Variants in SEL1L2 observed in about 807,000 individuals in gnomAD.
SEL1L2 encodes the protein SEL1L2 adaptor subunit of SYVN1 ubiquitin ligase, also known as protein sel-1 homolog 2.
Under a neutral mutation model 98.8 loss-of-function variants are expected in SEL1L2, and 89 were observed. The observed-to-expected ratio is 0.90, with a 90% CI of 0.76 to 1.07. The LOEUF (loss-of-function observed/expected upper bound fraction) is 1.07, where lower values mean the gene tolerates loss of function less well. SEL1L2 is among the 50% of genes least tolerant of loss of function. The pLI is 0.00. For synonymous variants in SEL1L2, 262 were observed against 278.5 expected, an observed-to-expected ratio of 0.94 and a Z score of 0.59; for missense variants, 788 against 812.0, an observed-to-expected ratio of 0.97 and a Z score of 0.36.
At chr20:13,854,349 G>A (rs1303093378) in intron 18 of SEL1L2, among the ~76,000 whole-genome samples, 1 of 152,108 alleles carries the variant, frequency 6.6e-6, no homozygotes, top group Admixed American at 6.6e-5. Context: ...TCTTTAAACA[G>A]GCCTGATTTC....
At chr20:13,867,975 T>G (rs2046004258) in intron 14 of SEL1L2, among the ~76,000 whole-genome samples, 1 of 152,058 alleles carries the variant, frequency 6.6e-6, no homozygotes, top group African/African-American at 2.4e-5. Context: ...TGGCTCCTCC[T>G]CTGACATGAA....
chr20:13,907,562 C>T (rs200089851), intron 5 of SEL1L2, among the ~76,000 whole-genome samples: 1 of 152,032 alleles, frequency 6.6e-6, no homozygotes. Context: ...GAGCAAGATC[C>T]TATCTCAGAA....
chr20:13,884,839 G>A (rs1421418573), intron 10 of SEL1L2, among the ~76,000 whole-genome samples: 1 of 152,102 alleles, frequency 6.6e-6, no homozygotes, highest in African/African-American at 2.4e-5. Flanking sequence ...ACTGGGATAA[G>A]GTAAGGTTAA....
At chr20:13,970,713 T>A (rs899510449) in intron 1 of SEL1L2, among the ~76,000 whole-genome samples, 3 of 151,982 alleles carry the variant, frequency 2.0e-5, no homozygotes, top group African/African-American at 7.3e-5. Flanking sequence ...GTGCCTGTAA[T>A]CCCAGCTACT....
At chr20:13,849,998 T>A (rs988141754) in intron 19 of SEL1L2, 193 bp downstream of exon 19, 1 of 609,096 alleles carries the variant, frequency 1.6e-6, no homozygotes, top group African/African-American at 1.9e-5. Flanking sequence ...TAATTGCTTA[T>A]ACTCTGAAGT....
At chr20:13,990,378 T>C (rs1273838705) in intron 1 of SEL1L2, 99 bp downstream of exon 1, 1 of 800,296 alleles carries the variant, frequency 1.2e-6, no homozygotes, top group Non-Finnish European at 2.1e-6. Flanking sequence ...AGGGATATAG[T>C]AAAGTTACTT....
chr20:13,990,621 G>A (rs2052503050), upstream of SEL1L2: 2 of 1,000,886 alleles, frequency 2.0e-6, no homozygotes, highest in South Asian at 2.8e-5. Context: ...GACTGTGGTG[G>A]GGGCAGGAGT....
intron 1 of SEL1L2, among the ~76,000 whole-genome samples, chr20:13,977,171 A>G (rs1229615979): frequency 6.6e-6 from 1 of 152,168 alleles, no homozygotes; most frequent in Non-Finnish European, 1.5e-5. Flanking sequence ...GCTGGTCTAG[A>G]GATTAGAAGG....
chr20:13,933,175 C>T (rs11699923), intron 2 of SEL1L2, among the ~76,000 whole-genome samples: 2 of 151,962 alleles, frequency 1.3e-5, no homozygotes, highest in Non-Finnish European at 1.5e-5. Flanking sequence ...CGCCACTGTA[C>T]TCCAGCCAGC....
In SEL1L2 at chr20:13,907,774, T is replaced by TTTTG. The variant is rs1568945414; in HGVS notation, c.549+6007_549+6008insCAAA. Among the ~76,000 whole-genome samples, 74 of 150,666 alleles carry TTTTG rather than the reference T, an allele frequency of 4.9e-4. 1 individual carries two copies. The highest frequency in any genetic ancestry group is 7.2e-4 in the Non-Finnish European group (49 of 67,792). The stretch of plus-strand genomic sequence containing the variant: ...TTCTTTTCTTTTCTTTTCTTTTTTT[T>TTTTG]TCTTTATTTGAGGGACACGGTCTGG... On this transcript the variant is annotated intron_variant, in intron 5 of 19. Coordinates refer to ENST00000284951, the MANE Select transcript of SEL1L2 (RefSeq NM_025229.2).
At chr20:13,896,519 A>C (rs1231860559) in intron 5 of SEL1L2, among the ~76,000 whole-genome samples, 3 of 145,798 alleles carry the variant, frequency 2.1e-5, no homozygotes, top group Admixed American at 6.8e-5. Flanking sequence ...CCCCCCCCCC[A>C]CACACAAAAA....
At chr20:13,861,979 G>A (rs993029991) in intron 17 of SEL1L2, among the ~76,000 whole-genome samples, 7 of 152,120 alleles carry the variant, frequency 4.6e-5, no homozygotes, top group Admixed American at 4.6e-4. Flanking sequence ...TCATCTCCAT[G>A]TTTTATTTCC....
intron 10 of SEL1L2, among the ~76,000 whole-genome samples, chr20:13,884,487 G>C (rs2046855242): frequency 6.6e-6 from 1 of 151,974 alleles, no homozygotes; most frequent in Admixed American, 6.6e-5. Context: ...ACATTTGAAT[G>C]GTTAATTAAC....
At position 13,859,246 on chromosome 20, in the gene SEL1L2, T is replaced by G. The variant is rs1156870973; in HGVS notation, c.1818+16A>C. 4 of 1,611,852 alleles carry G rather than the reference T, an allele frequency of 2.5e-6. No individual in the cohort carries two copies. The highest frequency in any genetic ancestry group is 2.2e-5 in the South Asian group (2 of 90,996). On this transcript the variant is annotated intron_variant, in intron 18 of 19. Transcript: ENST00000284951. ...AGCTGTCATTACTAGGTTTGAATTA[T>G]TACCAGCAAAATTACCTTTGTGATG... is the stretch of plus-strand genomic sequence containing the variant.
At chr20:13,864,248 C>T (rs748546434) in intron 17 of SEL1L2, among the ~76,000 whole-genome samples, 3 of 152,134 alleles carry the variant, frequency 2.0e-5, no homozygotes, top group South Asian at 2.1e-4. Context: ...GCTGTGCTAC[C>T]GGCTCAGCTG....
At chr20:13,911,745 C>G (rs904754730) in intron 5 of SEL1L2, among the ~76,000 whole-genome samples, 1 of 152,048 alleles carries the variant, frequency 6.6e-6, no homozygotes, top group East Asian at 1.9e-4. Context: ...AGTTAGGAAG[C>G]AGCAACTAAA....
intron 2 of SEL1L2, among the ~76,000 whole-genome samples, chr20:13,949,446 C>T (rs927619552): frequency 1.3e-5 from 2 of 152,172 alleles, no homozygotes; most frequent in Admixed American, 6.5e-5. Flanking sequence ...AGGCGGATCA[C>T]GAGGTCAGGA....
chr20:13,884,946 G>T (rs567984930), intron 10 of SEL1L2, among the ~76,000 whole-genome samples: 1 of 152,178 alleles, frequency 6.6e-6, no homozygotes, highest in Non-Finnish European at 1.5e-5. Flanking sequence ...AGCCAAATGG[G>T]GATGAAGTTG....
At chr20:13,979,122 A>C (rs893535781) in intron 1 of SEL1L2, among the ~76,000 whole-genome samples, 3 of 152,196 alleles carry the variant, frequency 2.0e-5, no homozygotes, top group Non-Finnish European at 4.4e-5. Context: ...GGATGAGCCC[A>C]GAGGACATAA....
Sources: gnomAD v4.1 joint callset for allele counts (sites outside exome capture counted in the v4.1 genomes callset) on GRCh38, gnomAD v4.1.1 for gene constraint, MANE v1.5 for transcripts, NCBI Gene and HGNC (gene_info 2026-07-23, HGNC 2026-07-21) for gene names.